The following FGF14 variants were observed in gnomAD, a reference collection of about 807,000 sequenced individuals.
FGF14 encodes the protein fibroblast growth factor 14.
Under a neutral mutation model 25.5 loss-of-function variants are expected in FGF14, and 5 were observed. The observed-to-expected ratio is 0.20, with a 90% CI of 0.10 to 0.41. The LOEUF is 0.41. FGF14 is among the 10% of genes least tolerant of loss of function. FGF14 has a pLI of 1.00. For missense variants in FGF14, 222 were observed against 320.1 expected (o/e 0.69, Z 2.34); for synonymous variants, 138 against 118.3 (o/e 1.17, Z -1.08).
intron 1 of FGF14, among the ~76,000 whole-genome samples, chr13:101,922,672 T>C (rs1479966361): frequency 6.6e-6 from 1 of 152,160 alleles, no homozygotes; most frequent in Non-Finnish European, 1.5e-5. Flanking sequence ...GAGGAGAGTA[T>C]ACAAACAAGA....
At chr13:102,294,335 A>G (rs1268261409) in intron 1 of FGF14, among the ~76,000 whole-genome samples, 1 of 150,690 alleles carries the variant, frequency 6.6e-6, no homozygotes, top group African/African-American at 2.4e-5. Flanking sequence ...TTAACAACTA[A>G]TTTTCTTAAA....
chr13:101,857,612 C>T (rs753021254), intron 3 of FGF14, among the ~76,000 whole-genome samples: 10 of 152,012 alleles, frequency 6.6e-5, no homozygotes, highest in Non-Finnish European at 1.3e-4. Flanking sequence ...CACAATATGT[C>T]TTTCCATAAT....
intron 3 of FGF14, among the ~76,000 whole-genome samples, chr13:101,864,318 A>G (rs972251645): frequency 6.6e-6 from 1 of 152,158 alleles, no homozygotes; most frequent in Non-Finnish European, 1.5e-5. Flanking sequence ...TCAATGCCTG[A>G]GTAGTCCATT....
At chr13:102,062,316 A>G (rs528761140) in intron 1 of FGF14, among the ~76,000 whole-genome samples, 46 of 152,134 alleles carry the variant, frequency 3.0e-4, no homozygotes, top group Non-Finnish European at 6.0e-4. Flanking sequence ...CAAAAAGGCC[A>G]AAAATCAAAG....
chr13:102,119,948 A>T (rs1367300172), intron 1 of FGF14, among the ~76,000 whole-genome samples: 2 of 152,096 alleles, frequency 1.3e-5, no homozygotes, highest in African/African-American at 4.8e-5. Context: ...TGTGATACTG[A>T]TCTACAGCCA....
intron 1 of FGF14, among the ~76,000 whole-genome samples, chr13:102,334,342 A>G (rs1322686246): frequency 1.3e-5 from 2 of 152,220 alleles, no homozygotes; most frequent in Non-Finnish European, 2.9e-5. Context: ...CTTACAACCT[A>G]CTAAATGAAA....
At chr13:101,748,747 TAAAAAAAAAAAAAAAAAAA>T (rs55785965) in intron 3 of FGF14, among the ~76,000 whole-genome samples, 2 of 70,694 alleles carry the variant, frequency 2.8e-5, no homozygotes, top group African/African-American at 1.1e-4. Context: ...TGGAGGTTTC[TAAAAAAAAAAAAAAAAAAA>T]AAAAAAAAAT....
intron 1 of FGF14, among the ~76,000 whole-genome samples, chr13:102,026,197 CA>C (rs1223082380): frequency 6.6e-6 from 1 of 151,828 alleles, no homozygotes; most frequent in Admixed American, 6.6e-5. Flanking sequence ...TTGAGATGAG[CA>C]TGCTATATTT....
chr13:102,205,161 A>C (rs1450846205), intron 1 of FGF14, among the ~76,000 whole-genome samples: 3 of 152,204 alleles, frequency 2.0e-5, no homozygotes, highest in Non-Finnish European at 4.4e-5. Flanking sequence ...GCTTTGGTAC[A>C]TGGCATTAGG....
intron 1 of FGF14, among the ~76,000 whole-genome samples, chr13:101,992,741 G>C (rs2038974335): frequency 6.6e-6 from 1 of 152,000 alleles, no homozygotes; most frequent in African/African-American, 2.4e-5. Flanking sequence ...AATGGCCAGG[G>C]AATCATTGGC....
chr13:102,232,977 C>T (rs996517760), intron 1 of FGF14, among the ~76,000 whole-genome samples: 1 of 152,184 alleles, frequency 6.6e-6, no homozygotes, highest in Non-Finnish European at 1.5e-5. Flanking sequence ...GTGCTGCCTG[C>T]TCTGCCTGAG....
At chr13:101,973,849 T>C (rs984484921) in intron 1 of FGF14, among the ~76,000 whole-genome samples, 7 of 152,208 alleles carry the variant, frequency 4.6e-5, no homozygotes, top group African/African-American at 1.7e-4. Flanking sequence ...TCCAATCAAG[T>C]TGACACTCAG....
chr13:101,934,492 ATAT>A (rs1246836418), intron 1 of FGF14, among the ~76,000 whole-genome samples: 4 of 152,210 alleles, frequency 2.6e-5, no homozygotes, highest in African/African-American at 4.8e-5. Flanking sequence ...GGTGCTGGAA[ATAT>A]TATTTGCCTT....
chr13:102,336,326 A>G (rs776358813), intron 1 of FGF14, among the ~76,000 whole-genome samples: 21 of 152,176 alleles, frequency 1.4e-4, no homozygotes, highest in Non-Finnish European at 2.5e-4. Context: ...AGTGGTCTGG[A>G]GAGAAGATCA....
At chr13:102,172,521 T>C (rs1161090097) in intron 1 of FGF14, among the ~76,000 whole-genome samples, 1 of 152,112 alleles carries the variant, frequency 6.6e-6, no homozygotes, top group African/African-American at 2.4e-5. Flanking sequence ...ATCAGAATCA[T>C]TCTAGAAAAA....
At chr13:102,321,459 C>T (rs1348063984) in intron 1 of FGF14, among the ~76,000 whole-genome samples, 1 of 152,046 alleles carries the variant, frequency 6.6e-6, no homozygotes, top group East Asian at 1.9e-4. Flanking sequence ...AAACATAATG[C>T]TTCCCAGGGT....
At chr13:102,184,217 G>T (rs1037718852) in intron 1 of FGF14, among the ~76,000 whole-genome samples, 1 of 152,124 alleles carries the variant, frequency 6.6e-6, no homozygotes, top group South Asian at 2.1e-4. Context: ...AGATTCACAG[G>T]CAAGCCTACT....
intron 1 of FGF14, among the ~76,000 whole-genome samples, chr13:101,943,739 C>T (rs988149432): frequency 2.7e-5 from 4 of 150,728 alleles, no homozygotes; most frequent in East Asian, 3.9e-4. Flanking sequence ...TTTGGGAGGC[C>T]GAGACAGGCG....
chr13:102,104,255 G>A (rs1291805154), intron 1 of FGF14, among the ~76,000 whole-genome samples: 3 of 152,146 alleles, frequency 2.0e-5, no homozygotes, highest in African/African-American at 7.2e-5. Context: ...AAACATGCAT[G>A]ACTTGCCAGG....
Sources: allele counts gnomAD v4.1 joint callset (sites outside exome capture counted in the v4.1 genomes callset), GRCh38; gene constraint gnomAD v4.1.1; transcripts MANE v1.5; gene names NCBI Gene and HGNC (gene_info 2026-07-23, HGNC 2026-07-21).